TRPM3: variants seen among roughly 807,000 people sequenced by gnomAD.
TRPM3 encodes long transient receptor potential channel 3.
TRPM3 carries 77 observed loss-of-function variants against 181.2 expected under a neutral mutation model. The observed-to-expected ratio is 0.42, with a 90% CI of 0.35 to 0.51. The LOEUF (loss-of-function observed/expected upper bound fraction) is 0.51, where lower values mean the gene tolerates loss of function less well. Among genes scored for constraint, TRPM3 ranks in the 20% least tolerant of loss-of-function variants. The pLI is 0.01. For synonymous variants in TRPM3, 745 were observed against 796.4 expected, an observed-to-expected ratio of 0.94 and a Z score of 1.09; for missense variants, 1,759 against 2,196.7, an observed-to-expected ratio of 0.80 and a Z score of 3.98.
chr9:71,069,466 C>T (rs537396651), intron 1 of TRPM3, among the ~76,000 whole-genome samples: 4 of 148,756 alleles, frequency 2.7e-5, no homozygotes, highest in African/African-American at 7.4e-5. Context: ...CGTGAGCCAC[C>T]GTGCCTGGCC....
chr9:70,606,649 G>GTGTGTGTA (rs2061196329), intron 19 of TRPM3, among the ~76,000 whole-genome samples: 2 of 77,818 alleles, frequency 2.6e-5, no homozygotes, highest in South Asian at 8.1e-4. Context: ...GTGTGTGTGT[G>GTGTGTGTA]TGTATATATA....
intron 1 of TRPM3, among the ~76,000 whole-genome samples, chr9:71,369,081 ACTAG>A (rs2092430054): frequency 6.6e-6 from 1 of 152,174 alleles, no homozygotes; most frequent in Non-Finnish European, 1.5e-5. Flanking sequence ...CAATAATCTT[ACTAG>A]CTATTTTAAG....
chr9:71,332,439 G>A (rs1291455642), intron 1 of TRPM3, among the ~76,000 whole-genome samples: 1 of 150,122 alleles, frequency 6.7e-6, no homozygotes, highest in African/African-American at 2.5e-5. Context: ...TTGCTCCAGT[G>A]AAATCTAACA....
intron 1 of TRPM3, among the ~76,000 whole-genome samples, chr9:71,064,921 T>A (rs556979565): frequency 6.6e-6 from 1 of 152,260 alleles, no homozygotes; most frequent in Non-Finnish European, 1.5e-5. Context: ...GGGTAGGTTG[T>A]GGCACATTCC....
chr9:70,834,146 T>C (rs2094143958), intron 5 of TRPM3, among the ~76,000 whole-genome samples: 2 of 152,132 alleles, frequency 1.3e-5, no homozygotes, highest in Admixed American at 1.3e-4. Context: ...AGCTCGGCAA[T>C]TCAAACAAGA....
At chr9:71,201,386 T>C (rs1489973460) in intron 1 of TRPM3, among the ~76,000 whole-genome samples, 3 of 151,974 alleles carry the variant, frequency 2.0e-5, no homozygotes, top group East Asian at 1.9e-4. Context: ...ATCTTTGTGG[T>C]GTTCTCTGTA....
At chr9:71,077,728 A>C (rs986184434) in intron 1 of TRPM3, among the ~76,000 whole-genome samples, 39 of 152,122 alleles carry the variant, frequency 2.6e-4, no homozygotes, top group African/African-American at 8.7e-4. Flanking sequence ...GAAGACAGAG[A>C]GAGAGGCATG....
At chr9:71,231,770 G>A (rs1162227086) in intron 1 of TRPM3, among the ~76,000 whole-genome samples, 7 of 152,158 alleles carry the variant, frequency 4.6e-5, no homozygotes, top group Non-Finnish European at 1.0e-4. Context: ...TAGACACTGG[G>A]ACTACTAGAG....
chr9:70,644,717 G>A (rs2058558070), intron 9 of TRPM3, among the ~76,000 whole-genome samples: 2 of 152,136 alleles, frequency 1.3e-5, no homozygotes, highest in Non-Finnish European at 2.9e-5. Flanking sequence ...GGGAAATCAG[G>A]CAAGAGAAAG....
chr9:70,955,992 T>C (rs2097065464), intron 1 of TRPM3, among the ~76,000 whole-genome samples: 1 of 152,212 alleles, frequency 6.6e-6, no homozygotes, highest in Non-Finnish European at 1.5e-5. Flanking sequence ...CAATATCAAT[T>C]AGTTAGTGGT....
At chr9:71,434,280 G>A (rs983989403) in intron 1 of TRPM3, among the ~76,000 whole-genome samples, 1 of 152,142 alleles carries the variant, frequency 6.6e-6, no homozygotes, top group African/African-American at 2.4e-5. Context: ...GGGTCTTTGG[G>A]AGATGACAAG....
intron 1 of TRPM3, among the ~76,000 whole-genome samples, chr9:71,042,562 C>T (rs1456274455): frequency 1.3e-5 from 2 of 152,198 alleles, no homozygotes; most frequent in Non-Finnish European, 2.9e-5. Context: ...TTTCTTCTTA[C>T]AACATTCTTT....
chr9:70,965,733 G>C (rs2097178527), intron 1 of TRPM3, among the ~76,000 whole-genome samples: 2 of 151,990 alleles, frequency 1.3e-5, no homozygotes, highest in Admixed American at 1.3e-4. Context: ...TGAGGCCAAG[G>C]ATATTGGCCT....
At chr9:70,540,436 G>A (rs1181046940) in intron 25 of TRPM3, among the ~76,000 whole-genome samples, 1 of 152,132 alleles carries the variant, frequency 6.6e-6, no homozygotes, top group African/African-American at 2.4e-5. Context: ...CTGTGCTGTG[G>A]GGTCTTCTCT....
chr9:70,806,662 C>A (rs2090759386), intron 6 of TRPM3, among the ~76,000 whole-genome samples: 1 of 149,988 alleles, frequency 6.7e-6, no homozygotes, highest in African/African-American at 2.5e-5. Context: ...TGCACTCCAG[C>A]CTGGGTGACA....
rs3073501 is a variant in TRPM3 at position 70,582,181 on chromosome 9, C to CGTGTGTGT, written c.3223+8842_3223+8849dup. On this transcript the variant is annotated intron_variant, in intron 22 of 25. Coordinates refer to ENST00000677713, the MANE Select transcript of TRPM3 (RefSeq NM_001366145.2). Reference sequence around the variant, plus strand: ...CACTCCTCCCCGCCTCCACCCTGTGCGTGTGTGTGTGTGTGTGTGTGTGTG... The same window carrying CGTGTGTGT: ...CACTCCTCCCCGCCTCCACCCTGTGCGTGTGTGTGTGTGTGTGTGTGTGTGTGTGTGTG... 2.0e-3 allele frequency among the ~76,000 whole-genome samples: 298 copies of CGTGTGTGT among 149,262 alleles called. 1 individual carries two copies. Among genetic ancestry groups the CGTGTGTGT allele is most frequent in the African/African-American group, 3.7e-3 (149 of 40,578 alleles).
At chr9:71,372,943 C>A (rs1305676479) in intron 1 of TRPM3, among the ~76,000 whole-genome samples, 1 of 152,118 alleles carries the variant, frequency 6.6e-6, no homozygotes, top group Non-Finnish European at 1.5e-5. Flanking sequence ...ACAGCACAAT[C>A]AAATTAGAAC....
intron 19 of TRPM3, among the ~76,000 whole-genome samples, chr9:70,608,700 TGTG>T (rs1245035263): frequency 2.6e-5 from 4 of 151,972 alleles, no homozygotes; most frequent in South Asian, 2.1e-4. Context: ...ATTAGCCAGG[TGTG>T]GTGGTGAACA....
chr9:70,805,782 G>A (rs2090554897), intron 6 of TRPM3, among the ~76,000 whole-genome samples: 2 of 152,104 alleles, frequency 1.3e-5, no homozygotes, highest in Non-Finnish European at 2.9e-5. Context: ...AATGGAAATA[G>A]AAAGATGAAG....
Sources: gnomAD v4.1 joint callset for allele counts (sites outside exome capture counted in the v4.1 genomes callset) on GRCh38, gnomAD v4.1.1 for gene constraint, MANE v1.5 for transcripts, NCBI Gene and HGNC (gene_info 2026-07-23, HGNC 2026-07-21) for gene names.